EIF2D: variants seen among roughly 807,000 people sequenced by gnomAD.
EIF2D encodes eukaryotic translation initiation factor 2D, also known as hepatocellular carcinoma-associated antigen 56.
EIF2D carries 56 observed loss-of-function variants against 77.4 expected under a neutral mutation model. The observed-to-expected ratio is 0.72, with a 90% CI of 0.58 to 0.90. The LOEUF is 0.90. EIF2D is among the 40% of genes least tolerant of loss of function. The pLI is 0.00. For synonymous variants in EIF2D, 230 were observed against 271.0 expected, an observed-to-expected ratio of 0.85 and a Z score of 1.49; for missense variants, 574 against 706.5, an observed-to-expected ratio of 0.81 and a Z score of 2.13.
chr1:206,571,260 T>A (rs1668438862), downstream of EIF2D: 1 of 149,544 alleles, frequency 6.7e-6, no homozygotes, highest in East Asian at 2.0e-4. Flanking sequence ...TCTGTTCATG[T>A]CCATTGTCTA....
intron 3 of EIF2D, 129 bp from the exon 4 acceptor site, chr1:206,608,455 A>G (rs1299070091): frequency 1.4e-5 from 10 of 710,372 alleles, no homozygotes; most frequent in Non-Finnish European, 2.0e-5. Flanking sequence ...TCATAATAAA[A>G]ATGAAAAATG....
chr1:206,584,177 T>G lies in EIF2D; in HGVS notation c.139-3015A>C, dbSNP rs558741419. Among the ~76,000 whole-genome samples, 3 of 152,224 alleles carry G rather than the reference T, an allele frequency of 2.0e-5. No homozygotes were observed. In the East Asian group the frequency reaches 5.8e-4, roughly 29 times the overall value. On this transcript the variant is annotated intron_variant and NMD_transcript_variant, in intron 2 of 5. Transcript: ENST00000472709. This position sits in a 1 kb window ranked among gnomAD's most constrained non-coding sequence, Gnocchi z 4.9. The stretch of plus-strand genomic sequence containing the variant: ...GGGAAATCCACTGCAGCCCCACAGG[T>G]CCTCTTTGGTAGCTGGATCCTGAGG...
intron 4 of EIF2D, among the ~76,000 whole-genome samples, chr1:206,578,123 G>A (rs1450473426): frequency 6.6e-6 from 1 of 152,100 alleles, no homozygotes; most frequent in Non-Finnish European, 1.5e-5. Context: ...CTACATGGGA[G>A]GCTGAGGCAG....
At chr1:206,581,496 G>C (rs868944913) in intron 2 of EIF2D, among the ~76,000 whole-genome samples, 4 of 152,158 alleles carry the variant, frequency 2.6e-5, no homozygotes, top group African/African-American at 7.2e-5. Flanking sequence ...CTACTTGGGA[G>C]GCTGAGGCAG....
At position 206,603,127 on chromosome 1, in the gene EIF2D, C is replaced by T. The variant is rs2102294752; in HGVS notation, c.608G>A (p.Gly203Glu). The part of the protein sequence containing the change: ...LDSADLSEEK[G>E]SVQMDSTLQG... The stretch of plus-strand genomic sequence containing the variant: ...CAGGGTGGAGTCCATCTGGACAGAC[C>T]CCTTCTCTTCACTGAGATCTGCTGA... The change falls in exon 6 of 15, where the codon GGG becomes GAG. Residue 203 changes from glycine (G) to glutamate (E), a missense_variant. By Grantham distance (98) the Gly-to-Glu change is moderately conservative (BLOSUM62 -2). Transcript: ENST00000271764. 1.9e-6 allele frequency: 3 copies of T among 1,614,096 alleles called. No homozygotes were observed. The highest frequency in any genetic ancestry group is 2.5e-6 in the Non-Finnish European group (3 of 1,180,022).
At chr1:206,573,331 T>A (rs1668518710) in intron 4 of EIF2D, among the ~76,000 whole-genome samples, 1 of 152,208 alleles carries the variant, frequency 6.6e-6, no homozygotes, top group Non-Finnish European at 1.5e-5. Context: ...CATATAGATT[T>A]TCTGACTTTC....
downstream of EIF2D, among the ~76,000 whole-genome samples, chr1:206,569,348 A>G (rs782639393): frequency 2.6e-5 from 4 of 152,192 alleles, no homozygotes; most frequent in Non-Finnish European, 5.9e-5. Flanking sequence ...TGGGAGGGGA[A>G]GAAGAGGAGG....
rs1267620519 is a variant in EIF2D, at chr1:206,579,986, G to T, written c.*254+706C>A. On this transcript the variant is annotated intron_variant and NMD_transcript_variant, in intron 4 of 5. Transcript: ENST00000472709. The surrounding 1 kb of genome is among the most constrained non-coding windows in gnomAD (Gnocchi z 4.2). ...CATGGCTGTGACATTCGTAGTGTTG[G>T]CTACACACGGGGCTCCTGGCACTCC... Among the ~76,000 whole-genome samples, 7 of 152,326 alleles carry T rather than the reference G, an allele frequency of 4.6e-5. No individual in the cohort carries two copies. The East Asian group carries it at 1.3e-3, about 29-fold the overall frequency.
intron 2 of EIF2D, among the ~76,000 whole-genome samples, chr1:206,581,468 G>C (rs1468827421): frequency 6.6e-6 from 1 of 152,062 alleles, no homozygotes; most frequent in Non-Finnish European, 1.5e-5. Flanking sequence ...GTGTGGTGGT[G>C]CGCACCTGTA....
intron 2 of EIF2D, 130 bp downstream of exon 2, chr1:206,611,054 A>T: frequency 2.4e-6 from 2 of 842,516 alleles, no homozygotes; most frequent in Non-Finnish European, 3.6e-6. Context: ...GTCCATAAAG[A>T]TCCTTGGGGA....
intron 2 of EIF2D, chr1:206,585,378 T>A (rs782196278): frequency 1.0e-6 from 1 of 972,782 alleles, no homozygotes. Context: ...CTACCTCACA[T>A]AGGTGGGAGC....
chr1:206,598,154 C>T lies in EIF2D; in HGVS notation c.1292+849G>A, dbSNP rs534617724. Among the ~76,000 whole-genome samples the T allele has an allele frequency of 1.5e-4, 23 of 152,156 alleles. No homozygotes were observed. The South Asian group carries it at 4.8e-3, about 32-fold the overall frequency. On this transcript the variant is annotated intron_variant, in intron 11 of 14. Coordinates refer to ENST00000271764, the MANE Select transcript of EIF2D (RefSeq NM_006893.3). The stretch of plus-strand genomic sequence containing the variant: ...TTGGGCTCAAGCGATCCTCCCACCT[C>T]AACCTCCCAAGTGGCTGAGACTACA...
chr1:206,599,926 A>G lies in EIF2D; in HGVS notation c.949-90T>C. The G allele has an allele frequency of 7.8e-7, 1 of 1,281,428 alleles. No individual in the cohort carries two copies. The highest frequency in any genetic ancestry group is 1.1e-6 in the Non-Finnish European group (1 of 900,108). The allele number at this position is 1,281,428 out of a possible 1,614,324, so 79.4% of individuals were successfully genotyped here. On this transcript the variant is annotated intron_variant, in intron 8 of 14. Coordinates refer to ENST00000271764, the MANE Select transcript of EIF2D (RefSeq NM_006893.3). This position sits in a 1 kb window ranked among gnomAD's most constrained non-coding sequence, Gnocchi z 4.1. ...ATGTGCCAGAGTGAGCTAGGCAGGG[A>G]CTGTGCAGGGATATGAGACAGCCCC... is the stretch of plus-strand genomic sequence containing the variant.
Position 206,602,944 on chromosome 1 carries a change from G to T in EIF2D, c.784+7C>A, listed in dbSNP as rs1669997705. The T allele has an allele frequency of 6.2e-7, 1 of 1,613,900 alleles. No homozygotes were observed. The highest frequency in any genetic ancestry group is 8.5e-7 in the Non-Finnish European group (1 of 1,179,960). On this transcript the variant is annotated splice_region_variant and intron_variant, in intron 6 of 14. Transcript: ENST00000271764. ...GGAGATGGGCTCTTCTCCTCCTAGA[G>T]TTATACCTTGAAGCGTTTTGCTATC...
chr1:206,584,467 G>A lies in EIF2D; in HGVS notation c.139-3305C>T. On this transcript the variant is annotated intron_variant and NMD_transcript_variant, in intron 2 of 5. Transcript: ENST00000472709. The surrounding 1 kb of genome is among the most constrained non-coding windows in gnomAD (Gnocchi z 4.9). ...CTGTGACGGTGCCTGCTGGGATCCGGCCCCAGTCCATCTATGATGCCATCA... is the reference window on the plus strand; with the variant it reads ...CTGTGACGGTGCCTGCTGGGATCCGACCCCAGTCCATCTATGATGCCATCA... The A allele has an allele frequency of 6.2e-7, 1 of 1,614,130 alleles. No individual in the cohort carries two copies. Among genetic ancestry groups the A allele is most frequent in the South Asian group, 1.1e-5 (1 of 91,080 alleles).
At chr1:206,609,334 T>C (rs1670356835) in intron 3 of EIF2D, 42 bp downstream of exon 3, 4 of 1,573,456 alleles carry the variant, frequency 2.5e-6, no homozygotes, top group Non-Finnish European at 3.5e-6. Flanking sequence ...TTTTGCTAAG[T>C]AGGTTTCAGC....
intron 2 of EIF2D, chr1:206,583,668 T>A (rs969785728): frequency 7.8e-6 from 3 of 386,508 alleles, no homozygotes; most frequent in Non-Finnish European, 1.5e-5. Context: ...CGGTACGTAA[T>A]GACCAAGGGC....
chr1:206,593,802 A>C lies in EIF2D; in HGVS notation c.1510-9T>G. 1 of 1,589,362 alleles carries C rather than the reference A, an allele frequency of 6.3e-7. No homozygotes were observed. The highest frequency in any genetic ancestry group is 8.6e-7 in the Non-Finnish European group (1 of 1,162,332). ...TTCCGGACCACGGTCACCTGGGGGG[A>C]CAGTGGGGACAGAGACTGACGGTGG... On this transcript the variant is annotated splice_polypyrimidine_tract_variant and intron_variant, in intron 13 of 14. Transcript: ENST00000271764.
In EIF2D at chr1:206,599,347, G is replaced by A. The variant is rs1669807304; in HGVS notation, c.1202+116C>T. The A allele has an allele frequency of 7.3e-7, 1 of 1,363,104 alleles. No homozygotes were observed. Among genetic ancestry groups the A allele is most frequent in the Non-Finnish European group, 1.0e-6 (1 of 992,970 alleles). The allele number at this position is 1,363,104 out of a possible 1,614,324, so 84.4% of individuals were successfully genotyped here. A position where few individuals can be genotyped will look rare whatever the true frequency, so the allele number is the denominator to read the frequency against. ...GGCTGGAAGCTGGATTTTGGAGAAGGGGAGAACAGGGGCAGAGCAGGTTTT... is the reference window on the plus strand; with the variant it reads ...GGCTGGAAGCTGGATTTTGGAGAAGAGGAGAACAGGGGCAGAGCAGGTTTT... On this transcript the variant is annotated intron_variant, in intron 10 of 14. Coordinates refer to ENST00000271764, the MANE Select transcript of EIF2D (RefSeq NM_006893.3). This position sits in a 1 kb window ranked among gnomAD's most constrained non-coding sequence, Gnocchi z 4.1.
Sources: allele counts gnomAD v4.1 joint callset (sites outside exome capture counted in the v4.1 genomes callset), GRCh38; gene constraint gnomAD v4.1.1; non-coding constraint Gnocchi (gnomAD v3.1); transcripts MANE v1.5; gene names NCBI Gene and HGNC (gene_info 2026-07-23, HGNC 2026-07-21).